ZNF331: variants seen among roughly 807,000 people sequenced by gnomAD.
ZNF331 encodes zinc finger protein 331.
Under a neutral mutation model 7.0 loss-of-function variants are expected in ZNF331, and 2 were observed. The ratio of observed to expected loss-of-function variants is 0.29; its 90% CI spans 0.12 to 0.90. The LOEUF (loss-of-function observed/expected upper bound fraction) is 0.90, where lower values mean the gene tolerates loss of function less well. Ranked by LOEUF, ZNF331 falls within the 40% of genes least tolerant of loss-of-function variation. The pLI, the probability that ZNF331 is intolerant of heterozygous loss-of-function variation, is 0.58. For synonymous variants in ZNF331, 196 were observed against 205.4 expected (o/e 0.95, Z 0.39); for missense variants, 432 against 587.7 (o/e 0.74, Z 2.74).
chr19:53,514,711 C>T (rs1039698278), upstream of ZNF331, among the ~76,000 whole-genome samples: 49 of 130,640 alleles, frequency 3.8e-4, no homozygotes, highest in Admixed American at 2.4e-4. Flanking sequence ...AGTGCAGTGG[C>T]GCGATCTCGG....
At chr19:53,565,842 G>GA (rs796266862) in intron 3 of ZNF331, among the ~76,000 whole-genome samples, 3 of 150,198 alleles carry the variant, frequency 2.0e-5, no homozygotes, top group South Asian at 2.1e-4. Context: ...GACTTTTTAA[G>GA]AAAAAAAAAG....
chr19:53,564,309 T>C (rs1224927642), intron 3 of ZNF331, among the ~76,000 whole-genome samples: 1 of 152,058 alleles, frequency 6.6e-6, no homozygotes, highest in Non-Finnish European at 1.5e-5. Flanking sequence ...AGATGGAGTC[T>C]TCCCCTGTTG....
At chr19:53,537,568 AC>A (rs1171966347), upstream of ZNF331, 3 of 152,396 alleles carry the variant, frequency 2.0e-5, no homozygotes, top group African/African-American at 7.2e-5. Flanking sequence ...CCGCTCCGGC[AC>A]CGACCTGGGA....
chr19:53,566,135 G>A (rs1158541340), intron 3 of ZNF331, among the ~76,000 whole-genome samples: 6 of 152,042 alleles, frequency 3.9e-5, no homozygotes, highest in Non-Finnish European at 8.8e-5. Context: ...AGGTTGCATA[G>A]GACAGGTTAG....
chr19:53,561,671 A>G (rs1285240882), intron 3 of ZNF331, among the ~76,000 whole-genome samples: 1 of 152,118 alleles, frequency 6.6e-6, no homozygotes, highest in Non-Finnish European at 1.5e-5. Context: ...TGAGCAACAT[A>G]GTGAGACCTC....
At chr19:53,522,423 G>A (rs1484958001) in intron 1 of ZNF331, among the ~76,000 whole-genome samples, 1 of 152,000 alleles carries the variant, frequency 6.6e-6, no homozygotes, top group Non-Finnish European at 1.5e-5. Flanking sequence ...TTTTAGTAGA[G>A]ACGGGATTTC....
At chr19:53,541,115 T>C (rs919661991) in intron 2 of ZNF331, among the ~76,000 whole-genome samples, 3 of 138,946 alleles carry the variant, frequency 2.2e-5, no homozygotes, top group Non-Finnish European at 4.7e-5. Flanking sequence ...CTTTTCTTTT[T>C]TTTTTTTTTG....
chr19:53,551,959 A>G (rs905372357), intron 2 of ZNF331, among the ~76,000 whole-genome samples: 1 of 152,144 alleles, frequency 6.6e-6, no homozygotes, highest in East Asian at 1.9e-4. Flanking sequence ...ATTTTCTATG[A>G]TTTTAATGGT....
intron 3 of ZNF331, among the ~76,000 whole-genome samples, chr19:53,565,110 G>C (rs1317712553): frequency 6.6e-6 from 1 of 152,168 alleles, no homozygotes; most frequent in African/African-American, 2.4e-5. Flanking sequence ...GTCTGATTCA[G>C]TGGACTCAGC....
At chr19:53,575,991 G>A (rs2147710430) in intron 5 of ZNF331, among the ~76,000 whole-genome samples, 1 of 149,266 alleles carries the variant, frequency 6.7e-6, no homozygotes, top group East Asian at 2.0e-4. Flanking sequence ...CTGTTTTTTT[G>A]TTTTTGTTTT....
chr19:53,569,355 T>C lies in ZNF331; in HGVS notation c.-22T>C, dbSNP rs746816635. 2.5e-6 allele frequency: 4 copies of C among 1,613,864 alleles called. No individual in the cohort carries two copies. In the East Asian group the frequency reaches 8.9e-5, roughly 36 times the overall value. On this transcript the variant is annotated 5_prime_UTR_variant, in exon 4 of 6. Coordinates refer to ENST00000449416, the MANE Select transcript of ZNF331 (RefSeq NM_001079906.2). ...TCAGTGGAAACCCCGAGAAGACTGA[T>C]CAGTTCTTCAGTTCTAAAACAATGG...
At chr19:53,549,781 A>C (rs1207545303) in intron 2 of ZNF331, among the ~76,000 whole-genome samples, 2 of 148,762 alleles carry the variant, frequency 1.3e-5, no homozygotes, top group Admixed American at 6.7e-5. Context: ...AATCTTTATT[A>C]TTTCCTTCCT....
intron 2 of ZNF331, 24 bp from the exon 3 acceptor site, chr19:53,555,821 C>T (rs1044377442): frequency 2.0e-5 from 3 of 152,144 alleles, no homozygotes; most frequent in African/African-American, 7.2e-5. Context: ...GCAGGTGTTA[C>T]CCTTCTGGTT....
At chr19:53,507,554 G>A in the ZNF331 span, among the ~76,000 whole-genome samples, 1 of 152,118 alleles carries the variant, frequency 6.6e-6, no homozygotes, top group Admixed American at 6.5e-5. Flanking sequence ...GCATTATGGG[G>A]TCCCAAATTT....
chr19:53,518,202 C>T (rs754030499), upstream of ZNF331, among the ~76,000 whole-genome samples: 15 of 152,300 alleles, frequency 9.8e-5, no homozygotes, highest in East Asian at 7.7e-4. Context: ...ATCTTTCTCC[C>T]GTGCTGGATG....
intron 2 of ZNF331, among the ~76,000 whole-genome samples, chr19:53,550,883 C>G (rs1375006655): frequency 8.5e-5 from 12 of 141,844 alleles, no homozygotes; most frequent in Non-Finnish European, 1.7e-4. Flanking sequence ...CAGAGTCTTG[C>G]TCTGTCACCC....
chr19:53,541,526 A>G (rs2088177759), intron 2 of ZNF331, among the ~76,000 whole-genome samples: 1 of 151,994 alleles, frequency 6.6e-6, no homozygotes, highest in South Asian at 2.1e-4. Flanking sequence ...AGCAGCCTCA[A>G]TCTCCTGGGC....
At chr19:53,554,054 C>T (rs1352219570) in intron 2 of ZNF331, among the ~76,000 whole-genome samples, 1 of 152,220 alleles carries the variant, frequency 6.6e-6, no homozygotes, top group African/African-American at 2.4e-5. Context: ...GCTTGGGGCT[C>T]TGGTTTCCCC....
chr19:53,543,483 C>G (rs2088327813), intron 2 of ZNF331, among the ~76,000 whole-genome samples: 1 of 151,616 alleles, frequency 6.6e-6, no homozygotes, highest in Non-Finnish European at 1.5e-5. Context: ...AGGCTGGTCT[C>G]AAACTCCTGA....
Sources: allele counts gnomAD v4.1 joint callset (sites outside exome capture counted in the v4.1 genomes callset), GRCh38; gene constraint gnomAD v4.1.1; transcripts MANE v1.5; gene names NCBI Gene and HGNC (gene_info 2026-07-23, HGNC 2026-07-21).